PLPP7: variants seen among roughly 807,000 people sequenced by gnomAD.
The protein encoded by PLPP7 is inactive phospholipid phosphatase 7.
A neutral mutation model predicts 16.9 loss-of-function variants in PLPP7; 11 were observed. The observed-to-expected ratio is 0.65, with a 90% CI of 0.41 to 1.08. PLPP7 has a LOEUF of 1.08. Among genes scored for constraint, PLPP7 ranks in the 50% least tolerant of loss-of-function variants. The pLI is 0.00. For synonymous variants in PLPP7, 174 were observed against 175.1 expected (o/e 0.99, Z 0.05); for missense variants, 358 against 397.1 (o/e 0.90, Z 0.84).
intron 1 of PLPP7, among the ~76,000 whole-genome samples, chr9:131,307,664 C>T (rs1031910522): frequency 1.3e-5 from 2 of 150,224 alleles, no homozygotes; most frequent in South Asian, 2.1e-4. Flanking sequence ...GGGGAGACAG[C>T]GTGGTGGGGG....
intron 1 of PLPP7, among the ~76,000 whole-genome samples, chr9:131,306,011 G>A (rs987245770): frequency 1.3e-5 from 2 of 152,118 alleles, no homozygotes; most frequent in African/African-American, 2.4e-5. Context: ...GCCAAGACGG[G>A]CGGATCGCGA....
At chr9:131,291,810 G>A (rs1006854582) in intron 1 of PLPP7, among the ~76,000 whole-genome samples, 2 of 152,190 alleles carry the variant, frequency 1.3e-5, no homozygotes, top group African/African-American at 2.4e-5. Flanking sequence ...TCAAACTCCT[G>A]ACCTCAGGTG....
chr9:131,299,330 T>C lies in PLPP7; in HGVS notation c.452-8593T>C, dbSNP rs141489884. ...CTGAGCCTCCTGCTGGGTGGACCTT[T>C]CCCCTCACAGGGGTCTCCTTGCCCT... On this transcript the variant is annotated intron_variant, in intron 1 of 1. Transcript: ENST00000372264. Among the ~76,000 whole-genome samples, 493 of 152,252 alleles carry C rather than the reference T, an allele frequency of 3.2e-3. 3 individuals carry two copies. Among genetic ancestry groups the C allele is most frequent in the African/African-American group, 0.011 (476 of 41,536 alleles).
intron 1 of PLPP7, among the ~76,000 whole-genome samples, chr9:131,293,763 G>A (rs898664067): frequency 1.3e-5 from 2 of 152,012 alleles, no homozygotes; most frequent in Admixed American, 6.5e-5. Flanking sequence ...GGGGCTGAGG[G>A]GGATGTGGCA....
At chr9:131,299,542 G>A (rs1010048582) in intron 1 of PLPP7, among the ~76,000 whole-genome samples, 6 of 152,224 alleles carry the variant, frequency 3.9e-5, no homozygotes, top group South Asian at 2.1e-4. Flanking sequence ...AGGGCAGAGT[G>A]GGGTGGGAGG....
intron 1 of PLPP7, among the ~76,000 whole-genome samples, chr9:131,301,494 G>A (rs943457454): frequency 3.9e-5 from 6 of 152,200 alleles, no homozygotes; most frequent in Non-Finnish European, 7.3e-5. Flanking sequence ...ACCACCACCA[G>A]GAGGCCTTGC....
Position 131,290,213 on chromosome 9 carries a change from G to A in PLPP7, c.216G>A (p.Gln72=), listed in dbSNP as rs1397600169. 1 of 1,606,734 alleles carries A rather than the reference G, an allele frequency of 6.2e-7. No individual in the cohort carries two copies. Among genetic ancestry groups the A allele is most frequent in the East Asian group, 2.2e-5 (1 of 44,714 alleles). Residue 72 remains glutamine (Q), a synonymous_variant, in exon 1 of 2, where the codon CAG becomes CAA. Transcript: ENST00000372264. This position sits in a 1 kb window ranked among gnomAD's most constrained non-coding sequence, Gnocchi z 4.2. ...AGCTGCCAGAGGAGGACTGCATGCAGCTGAACCCCTCCTTCAAGGGCATCG... is the reference window on the plus strand; with the variant it reads ...AGCTGCCAGAGGAGGACTGCATGCAACTGAACCCCTCCTTCAAGGGCATCG... ...SQQLPEEDCM[Q]LNPSFKGIAF... is the part of the protein sequence containing the mutation.
rs143793064 is a variant in PLPP7 at position 131,308,175 on chromosome 9, A to G, written c.704A>G (p.His235Arg). The change falls in exon 2 of 2, where the codon CAC (histidine) becomes CGC (arginine). Residue 235 changes from histidine to arginine, a missense_variant. Coordinates refer to ENST00000372264, the MANE Select transcript of PLPP7 (RefSeq NM_032728.4). ...CTGTCCCGCGTGATGATCGGCCGCC[A>G]CCACGTCACGGACGTCCTCTCCGGC... The part of the protein sequence containing the change: ...VGLSRVMIGR[H>R]HVTDVLSGFV... 6.2e-7 allele frequency: 1 copy of G among 1,600,108 alleles called. No individual in the cohort carries two copies. The highest frequency in any genetic ancestry group is 1.3e-5 in the African/African-American group (1 of 74,882).
chr9:131,292,151 C>T (rs971036398), intron 1 of PLPP7, among the ~76,000 whole-genome samples: 3 of 152,328 alleles, frequency 2.0e-5, no homozygotes, highest in Admixed American at 6.5e-5. Flanking sequence ...CTAGGCCAGG[C>T]GCTTCCAGGG....
intron 1 of PLPP7, among the ~76,000 whole-genome samples, chr9:131,292,225 G>A (rs1835685624): frequency 6.6e-6 from 1 of 152,152 alleles, no homozygotes; most frequent in African/African-American, 2.4e-5. Flanking sequence ...AGACTGTTGG[G>A]ATTTAGAGAG....
At chr9:131,291,430 G>C (rs1013674284) in intron 1 of PLPP7, 2 of 1,144,920 alleles carry the variant, frequency 1.7e-6, no homozygotes, top group African/African-American at 3.2e-5. Flanking sequence ...ATAAAAACAC[G>C]TATCTCCCTG....
At chr9:131,301,878 G>A (rs1376379406) in intron 1 of PLPP7, among the ~76,000 whole-genome samples, 11 of 145,452 alleles carry the variant, frequency 7.6e-5, no homozygotes, top group African/African-American at 2.0e-4. Flanking sequence ...GTGCAGTGGC[G>A]CAATCTTGGC....
rs527646027 is a variant in PLPP7 at position 131,302,114 on chromosome 9, C to T, written c.452-5809C>T. Among the ~76,000 whole-genome samples the T allele has an allele frequency of 3.2e-4, 49 of 152,242 alleles. No individual in the cohort carries two copies. In the East Asian group the frequency reaches 8.3e-3, roughly 26 times the overall value. ...AATTACAGGCGTGAGCCACTGCGCC[C>T]GGCCAGAACTTGTTCTTAATTAGCA... is the stretch of plus-strand genomic sequence containing the variant. On this transcript the variant is annotated intron_variant, in intron 1 of 1. Transcript: ENST00000372264.
At position 131,308,344 on chromosome 9, in the gene PLPP7, A is replaced by T; in HGVS notation, c.*57A>T. On this transcript the variant is annotated 3_prime_UTR_variant, in exon 2 of 2. Coordinates refer to ENST00000372264, the MANE Select transcript of PLPP7 (RefSeq NM_032728.4). ...GCAGGGCTGGCCCTAGAGAAGGGGC[A>T]GGGGGTGGCGAGGTGGCGGGCGTGG... 4 of 1,509,518 alleles carry T rather than the reference A, an allele frequency of 2.6e-6. No homozygotes were observed. Among genetic ancestry groups the T allele is most frequent in the Non-Finnish European group, 3.5e-6 (4 of 1,132,366 alleles). The allele number at this position is 1,509,518 out of a possible 1,614,324, so 93.5% of individuals were successfully genotyped here.
At position 131,290,272 on chromosome 9, in the gene PLPP7, T is replaced by A; in HGVS notation, c.275T>A (p.Met92Lys). Residue 92 changes from methionine to lysine, a missense_variant, in exon 1 of 2, where the codon ATG becomes AAG. Coordinates refer to ENST00000372264, the MANE Select transcript of PLPP7 (RefSeq NM_032728.4). The surrounding 1 kb of genome is among the most constrained non-coding windows in gnomAD (Gnocchi z 4.2). ...TCCCTGCTGGCCATCGATATCTGTATGTCCAAGCGGCTGGGGGTGTGCGCT... is the reference window on the plus strand; with the variant it reads ...TCCCTGCTGGCCATCGATATCTGTAAGTCCAAGCGGCTGGGGGTGTGCGCT... ...FNSLLAIDIC[M>K]SKRLGVCAGR... The A allele has an allele frequency of 1.9e-6, 3 of 1,612,532 alleles. No individual in the cohort carries two copies. Among genetic ancestry groups the A allele is most frequent in the Non-Finnish European group, 2.5e-6 (3 of 1,179,260 alleles).
intron 1 of PLPP7, chr9:131,293,012 G>A (rs1835698610): frequency 4.2e-6 from 4 of 961,048 alleles, no homozygotes; most frequent in Non-Finnish European, 5.0e-6. Flanking sequence ...GCTTTATTAT[G>A]TACCAAAGAC....
At chr9:131,293,279 G>A (rs762213978) in intron 1 of PLPP7, among the ~76,000 whole-genome samples, 3 of 152,140 alleles carry the variant, frequency 2.0e-5, no homozygotes, top group East Asian at 3.9e-4. Flanking sequence ...CTCCTGGAGC[G>A]TGTGTGCTTT....
intron 1 of PLPP7, among the ~76,000 whole-genome samples, chr9:131,306,293 G>A (rs1835851688): frequency 6.6e-6 from 1 of 152,000 alleles, no homozygotes; most frequent in Middle Eastern, 3.2e-3. Context: ...TGTAATCCCA[G>A]CACTTTGGGA....
rs541873275 is a variant in PLPP7, at chr9:131,290,600, G to T, written c.451+152G>T. The T allele has an allele frequency of 8.6e-6, 6 of 693,658 alleles. No individual in the cohort carries two copies. In the East Asian group the frequency reaches 1.8e-4, roughly 21 times the overall value. 43.0% of individuals were successfully genotyped at this position (693,658 alleles called of 1,614,324 possible). Reference sequence around the variant, plus strand: ...GGCAGGAAGGGTGCCCCAGAAACAGGCAGGCTCCGGCGTGGGGGAGCGACA... The same window carrying T: ...GGCAGGAAGGGTGCCCCAGAAACAGTCAGGCTCCGGCGTGGGGGAGCGACA... On this transcript the variant is annotated intron_variant, in intron 1 of 1. Coordinates refer to ENST00000372264, the MANE Select transcript of PLPP7 (RefSeq NM_032728.4). The surrounding 1 kb of genome is among the most constrained non-coding windows in gnomAD (Gnocchi z 4.2).
Sources: allele counts gnomAD v4.1 joint callset (sites outside exome capture counted in the v4.1 genomes callset), GRCh38; gene constraint gnomAD v4.1.1; non-coding constraint Gnocchi (gnomAD v3.1); transcripts MANE v1.5; gene names NCBI Gene and HGNC (gene_info 2026-07-23, HGNC 2026-07-21).